Variants in ANKRD6 observed in about 807,000 individuals in gnomAD.
ANKRD6 encodes the protein ankyrin repeat domain 6.
In ANKRD6, 56 loss-of-function variants were observed where a neutral mutation model predicts 82.3. The ratio of observed to expected loss-of-function variants is 0.68; its 90% CI spans 0.55 to 0.85. The LOEUF (loss-of-function observed/expected upper bound fraction) is 0.85. Ranked by LOEUF, ANKRD6 falls within the 40% of genes least tolerant of loss-of-function variation. The pLI, the probability that ANKRD6 is intolerant of heterozygous loss-of-function variation, is 0.00. For missense variants in ANKRD6, 852 were observed against 907.6 expected, an observed-to-expected ratio of 0.94 and a Z score of 0.79; for synonymous variants, 347 against 352.1, an observed-to-expected ratio of 0.99 and a Z score of 0.16.
chr6:89,624,207 A>C, intron 12 of ANKRD6, 150 bp downstream of exon 12: 1 of 923,010 alleles, frequency 1.1e-6, no homozygotes, highest in Non-Finnish European at 1.6e-6. Flanking sequence ...CCCCACCTGC[A>C]CGGTGCAGAT....
chr6:89,441,093 T>A (rs1045151330), intron 1 of ANKRD6, among the ~76,000 whole-genome samples: 1 of 152,216 alleles, frequency 6.6e-6, no homozygotes, highest in African/African-American at 2.4e-5. Flanking sequence ...ACTTAATCTC[T>A]GTGGCCCACT....
intron 5 of ANKRD6, among the ~76,000 whole-genome samples, chr6:89,609,024 T>G (rs1363481857): frequency 2.0e-5 from 3 of 152,174 alleles, no homozygotes; most frequent in African/African-American, 7.2e-5. Context: ...CATTCCTGCC[T>G]ATAGACCTCC....
intron 1 of ANKRD6, among the ~76,000 whole-genome samples, chr6:89,564,847 A>C (rs1380932449): frequency 2.0e-5 from 3 of 152,038 alleles, no homozygotes; most frequent in African/African-American, 7.2e-5. Context: ...AGAGTTAACA[A>C]ATGGGTAGAT....
intron 1 of ANKRD6, among the ~76,000 whole-genome samples, chr6:89,517,807 G>T (rs149469180): frequency 2.0e-5 from 3 of 152,296 alleles, no homozygotes; most frequent in Middle Eastern, 3.4e-3. Flanking sequence ...TTTTCCTAAG[G>T]GGGGGACTAT....
At position 89,498,524 on chromosome 6, in the gene ANKRD6, A is replaced by ATT. The variant is rs144719119; in HGVS notation, c.-144+65150_-144+65151insTT. 1.3e-4 allele frequency among the ~76,000 whole-genome samples: 18 copies of ATT among 140,392 alleles called. No individual in the cohort carries two copies. The South Asian group carries it at 2.0e-3, about 15-fold the overall frequency. 92.1% of individuals were successfully genotyped at this position (140,392 alleles called of 152,430 possible). ...ATAATAGATTTCCCTTTATATATATATATTTTTTTTTACCTTGTTTACATT... is the reference window on the plus strand; with the variant it reads ...ATAATAGATTTCCCTTTATATATATATTTATTTTTTTTTACCTTGTTTACATT... On this transcript the variant is annotated intron_variant, in intron 1 of 15. Coordinates refer to ENST00000339746, the MANE Select transcript of ANKRD6 (RefSeq NM_001242809.2).
chr6:89,611,633 A>G (rs1391059870), intron 5 of ANKRD6, among the ~76,000 whole-genome samples: 1 of 152,260 alleles, frequency 6.6e-6, no homozygotes. Context: ...AGAGGGTCTC[A>G]ATCTGTGTCC....
intron 1 of ANKRD6, among the ~76,000 whole-genome samples, chr6:89,515,447 T>C (rs1428338236): frequency 6.6e-6 from 1 of 152,236 alleles, no homozygotes; most frequent in East Asian, 1.9e-4. Context: ...GATTTTTTTG[T>C]TTGTTCAATG....
At position 89,489,288 on chromosome 6, in the gene ANKRD6, C is replaced by T. The variant is rs184095713; in HGVS notation, c.-144+55913C>T. The stretch of plus-strand genomic sequence containing the variant: ...CTCTGCCTGAGTGGGAAAGTTTAAA[C>T]GAGGACAATAATTCAGTTTGAGTGC... On this transcript the variant is annotated intron_variant, in intron 1 of 15. Coordinates refer to ENST00000339746, the MANE Select transcript of ANKRD6 (RefSeq NM_001242809.2). Among the ~76,000 whole-genome samples the T allele has an allele frequency of 1.8e-3, 274 of 152,266 alleles. 1 individual carries two copies. The highest frequency in any genetic ancestry group is 3.1e-3 in the Non-Finnish European group (208 of 68,018).
At chr6:89,616,314 G>A in intron 7 of ANKRD6, 2 of 515,186 alleles carry the variant, frequency 3.9e-6, no homozygotes, top group South Asian at 2.3e-5. Flanking sequence ...TTGCCCCTGC[G>A]TTTAATCCTG....
intron 1 of ANKRD6, among the ~76,000 whole-genome samples, chr6:89,464,096 A>G (rs1471111219): frequency 6.6e-6 from 1 of 152,208 alleles, no homozygotes; most frequent in Non-Finnish European, 1.5e-5. Context: ...GAATAACAAA[A>G]CAAAATAATT....
intron 2 of ANKRD6, among the ~76,000 whole-genome samples, chr6:89,595,070 A>G (rs9344947): frequency 0.8 from 120,943 of 152,082 alleles, 48,575 homozygotes; most frequent in East Asian, 0.88. Context: ...TTTTTTAAAA[A>G]GAGGAAGAAC....
At chr6:89,468,598 TAAAAAA>T (rs60606383) in intron 1 of ANKRD6, among the ~76,000 whole-genome samples, 3 of 53,842 alleles carry the variant, frequency 5.6e-5, no homozygotes, top group Non-Finnish European at 6.4e-5. Flanking sequence ...GTTGATGAGC[TAAAAAA>T]AAAAAAAAAA....
intron 5 of ANKRD6, among the ~76,000 whole-genome samples, chr6:89,610,770 A>G (rs1800024739): frequency 6.6e-6 from 1 of 150,704 alleles, no homozygotes; most frequent in Non-Finnish European, 1.5e-5. Context: ...CTGGGGAACT[A>G]TAAACAAACG....
intron 1 of ANKRD6, among the ~76,000 whole-genome samples, chr6:89,556,914 G>A (rs1786677067): frequency 6.6e-6 from 1 of 152,180 alleles, no homozygotes; most frequent in South Asian, 2.1e-4. Context: ...TGGGATTTGA[G>A]CCCAGGCAGT....
intron 1 of ANKRD6, among the ~76,000 whole-genome samples, chr6:89,517,247 A>G (rs966394028): frequency 6.6e-6 from 1 of 152,230 alleles, no homozygotes; most frequent in Non-Finnish European, 1.5e-5. Flanking sequence ...GGTCTGACAT[A>G]AATTAATTTA....
chr6:89,588,621 A>G (rs1181488100), intron 2 of ANKRD6, among the ~76,000 whole-genome samples: 1 of 152,066 alleles, frequency 6.6e-6, no homozygotes, highest in African/African-American at 2.4e-5. Flanking sequence ...CAATTCCTTT[A>G]TACAACCTTT....
intron 9 of ANKRD6, 199 bp from the exon 10 acceptor site, chr6:89,621,722 TG>T: frequency 1.7e-6 from 1 of 596,136 alleles, no homozygotes; most frequent in Non-Finnish European, 3.0e-6. Flanking sequence ...ATATCCTACC[TG>T]TCTCCGAGTC....
At chr6:89,617,042 A>T in intron 8 of ANKRD6, 1 of 409,090 alleles carries the variant, frequency 2.4e-6, no homozygotes, top group Non-Finnish European at 4.9e-6. Flanking sequence ...TTCTAAAGCA[A>T]CTCCTTTCTC....
At chr6:89,575,656 G>A (rs947454647) in intron 2 of ANKRD6, among the ~76,000 whole-genome samples, 3 of 152,070 alleles carry the variant, frequency 2.0e-5, no homozygotes, top group Non-Finnish European at 2.9e-5. Flanking sequence ...AAACATTTCC[G>A]AATTATTTTC....
Sources: gnomAD v4.1 joint callset for allele counts (sites outside exome capture counted in the v4.1 genomes callset) on GRCh38, gnomAD v4.1.1 for gene constraint, MANE v1.5 for transcripts, NCBI Gene and HGNC (gene_info 2026-07-23, HGNC 2026-07-21) for gene names.